The following STAT1 variants were observed in gnomAD, a reference collection of about 807,000 sequenced individuals.
STAT1 encodes signal transducer and activator of transcription 1-alpha/beta.
In STAT1, 24 loss-of-function variants were observed where a neutral mutation model predicts 111.7. The ratio of observed to expected loss-of-function variants is 0.21; its 90% CI spans 0.16 to 0.30. The LOEUF is 0.30. Among genes scored for constraint, STAT1 ranks in the 10% least tolerant of loss-of-function variants. STAT1 has a pLI of 1.00. For synonymous variants in STAT1, 332 were observed against 326.5 expected (o/e 1.02, Z -0.18); for missense variants, 351 against 911.9 (o/e 0.38, Z 7.92).
rs761029046 is a variant in STAT1 at position 190,987,017 on chromosome 2, T to G, written c.1127+22A>C. 4 of 1,610,820 alleles carry G rather than the reference T, an allele frequency of 2.5e-6. No homozygotes were observed. The Admixed American group carries it at 6.7e-5, about 27-fold the overall frequency. On this transcript the variant is annotated intron_variant, in intron 13 of 24. Transcript: ENST00000361099. The surrounding 1 kb of genome is among the most constrained non-coding windows in gnomAD (Gnocchi z 4.0). ...AAATAAATAAAAATATAGCACAGTA[T>G]AGCGTAAAGTACGTCACGTACCCTT...
Position 190,977,933 on chromosome 2 carries a change from CAAG to C in STAT1, c.1874-911_1874-909del, listed in dbSNP as rs1166330905. Among the ~76,000 whole-genome samples the C allele has an allele frequency of 4.0e-5, 6 of 151,382 alleles. No homozygotes were observed. Among genetic ancestry groups the C allele is most frequent in the East Asian group, 1.9e-4 (1 of 5,162 alleles). On this transcript the variant is annotated intron_variant, in intron 21 of 24. Coordinates refer to ENST00000361099, the MANE Select transcript of STAT1 (RefSeq NM_007315.4). The surrounding 1 kb of genome is among the most constrained non-coding windows in gnomAD (Gnocchi z 4.7). ...AAGTATTCCAGAAAAACAAATAGAA[CAAG>C]AAGAGTATTCCTGAAAAATAAACAG...
intron 3 of STAT1, 82 bp downstream of exon 3, chr2:191,009,794 A>G: frequency 6.4e-7 from 1 of 1,550,816 alleles, no homozygotes; most frequent in Non-Finnish European, 8.9e-7. Flanking sequence ...TTCATCTTCC[A>G]GTAAACATGG....
In STAT1 at chr2:191,000,548, C is replaced by T. The variant is rs115130006; in HGVS notation, c.462+526G>A. On this transcript the variant is annotated intron_variant, in intron 6 of 24. Transcript: ENST00000361099. The surrounding 1 kb of genome is among the most constrained non-coding windows in gnomAD (Gnocchi z 4.8). ...CCCTAACAGTGGAGAGGAGTAAATG[C>T]GCACCATCGAGGACGCCAGAGCAGC... Among the ~76,000 whole-genome samples the T allele has an allele frequency of 0.011, 1,655 of 152,316 alleles. 19 individuals are homozygous for T. Among genetic ancestry groups the T allele is most frequent in the Middle Eastern group, 0.017 (5 of 294 alleles).
chr2:190,994,302 C>T (rs2125057855), intron 10 of STAT1, among the ~76,000 whole-genome samples: 1 of 152,168 alleles, frequency 6.6e-6, no homozygotes, highest in Non-Finnish European at 1.5e-5. Flanking sequence ...AGAAGGGGGG[C>T]CGTGAATGCC....
chr2:191,013,375 A>C, intron 2 of STAT1, 150 bp downstream of exon 2: 1 of 317,920 alleles, frequency 3.1e-6, no homozygotes. Flanking sequence ...TTTTAAGACT[A>C]TATTATTTTG....
intron 10 of STAT1, among the ~76,000 whole-genome samples, chr2:190,991,993 T>G (rs918867700): frequency 1.5e-4 from 23 of 152,274 alleles, no homozygotes; most frequent in Non-Finnish European, 2.9e-5. Flanking sequence ...GACTTCTTGT[T>G]TGAACATTAG....
In STAT1 at chr2:190,971,856, G is replaced by A. The variant is rs572569220; in HGVS notation, c.2239-1139C>T. 1.5e-4 allele frequency among the ~76,000 whole-genome samples: 23 copies of A among 152,230 alleles called. No individual in the cohort carries two copies. The highest frequency in any genetic ancestry group is 2.8e-4 in the Non-Finnish European group (19 of 68,012). ...GCCCCCCTAGTAGCTGGGATTACAG[G>A]CACACACCACCATGGCTGGCTAATT... On this transcript the variant is annotated intron_variant, in intron 24 of 24. Transcript: ENST00000361099. This position sits in a 1 kb window ranked among gnomAD's most constrained non-coding sequence, Gnocchi z 4.1.
At position 190,993,533 on chromosome 2, in the gene STAT1, GAATA is replaced by G. The variant is rs1693560612; in HGVS notation, c.944+1524_944+1527del. 2 of 694,764 alleles carry G rather than the reference GAATA, an allele frequency of 2.9e-6. No homozygotes were observed. Among genetic ancestry groups the G allele is most frequent in the South Asian group, 1.5e-5 (1 of 67,794 alleles). The allele number at this position is 694,764 out of a possible 1,614,324, so 43.0% of individuals were successfully genotyped here. Reference sequence around the variant, plus strand: ...CAGAGTCGCCAATCAGAAGTAATTTGAATAAATAATCAATTTGGGATTCATGCTG... The same window carrying G: ...CAGAGTCGCCAATCAGAAGTAATTTGAATAATCAATTTGGGATTCATGCTG... On this transcript the variant is annotated intron_variant, in intron 10 of 24. Coordinates refer to ENST00000361099, the MANE Select transcript of STAT1 (RefSeq NM_007315.4). The surrounding 1 kb of genome is among the most constrained non-coding windows in gnomAD (Gnocchi z 4.1).
At position 190,971,460 on chromosome 2, in the gene STAT1, G is replaced by A. The variant is rs187691974; in HGVS notation, c.2239-743C>T. The stretch of plus-strand genomic sequence containing the variant: ...CCAGAGGTGTTGCTGAACCTCCTAC[G>A]AAGCACAGGAAAGCTCCCCACCCCA... On this transcript the variant is annotated intron_variant, in intron 24 of 24. Coordinates refer to ENST00000361099, the MANE Select transcript of STAT1 (RefSeq NM_007315.4). The surrounding 1 kb of genome is among the most constrained non-coding windows in gnomAD (Gnocchi z 4.1). 1.6e-3 allele frequency among the ~76,000 whole-genome samples: 242 copies of A among 152,126 alleles called. No individual in the cohort carries two copies. The highest frequency in any genetic ancestry group is 5.2e-3 in the South Asian group (25 of 4,820).
At position 190,970,761 on chromosome 2, in the gene STAT1, G is replaced by C. The variant is rs1204709557; in HGVS notation, c.2239-44C>G. 1.3e-6 allele frequency: 2 copies of C among 1,566,952 alleles called. No homozygotes were observed. Among genetic ancestry groups the C allele is most frequent in the Non-Finnish European group, 1.8e-6 (2 of 1,138,082 alleles). ...TGGTTAAGTTTATTACACTGATCTT[G>C]TGAAATGCAGACTCATACATTAAAC... is the stretch of plus-strand genomic sequence containing the variant. On this transcript the variant is annotated intron_variant, in intron 24 of 24. Coordinates refer to ENST00000361099, the MANE Select transcript of STAT1 (RefSeq NM_007315.4). The surrounding 1 kb of genome is among the most constrained non-coding windows in gnomAD (Gnocchi z 5.4).
rs926469146 is a variant in STAT1 at position 190,993,125 on chromosome 2, A to T, written c.945-1805T>A. On this transcript the variant is annotated intron_variant, in intron 10 of 24. Coordinates refer to ENST00000361099, the MANE Select transcript of STAT1 (RefSeq NM_007315.4). The surrounding 1 kb of genome is among the most constrained non-coding windows in gnomAD (Gnocchi z 4.1). ...CCTAGCACTAGTTTCCAAAAACAGAATTCCAAGGGAATCAGCAAATTCCTT... is the reference window on the plus strand; with the variant it reads ...CCTAGCACTAGTTTCCAAAAACAGATTTCCAAGGGAATCAGCAAATTCCTT... 2.4e-6 allele frequency: 1 copy of T among 419,692 alleles called. No homozygotes were observed. The highest frequency in any genetic ancestry group is 2.1e-5 in the African/African-American group (1 of 48,406). 26.0% of individuals were successfully genotyped at this position (419,692 alleles called of 1,614,324 possible).
chr2:191,011,835 T>C (rs1466323291), intron 2 of STAT1, among the ~76,000 whole-genome samples: 1 of 152,150 alleles, frequency 6.6e-6, no homozygotes, highest in African/African-American at 2.4e-5. Flanking sequence ...CTTCACTTTA[T>C]AAATTACCTA....
chr2:190,985,544 A>G, intron 15 of STAT1, 75 bp downstream of exon 15: 1 of 1,513,516 alleles, frequency 6.6e-7, no homozygotes, highest in Non-Finnish European at 9.2e-7. Flanking sequence ...AGGTGTCCCC[A>G]GCCACCAACT....
chr2:190,991,697 ATTTGTT>A (rs1249486191), intron 10 of STAT1, among the ~76,000 whole-genome samples: 1 of 147,366 alleles, frequency 6.8e-6, no homozygotes, highest in African/African-American at 2.6e-5. Context: ...TATCTTTACA[ATTTGTT>A]TTTTTTTTTT....
rs1310967468 is a variant in STAT1 at position 190,982,185 on chromosome 2, T to C, written c.1582+198A>G. On this transcript the variant is annotated intron_variant, in intron 18 of 24. Coordinates refer to ENST00000361099, the MANE Select transcript of STAT1 (RefSeq NM_007315.4). The surrounding 1 kb of genome is among the most constrained non-coding windows in gnomAD (Gnocchi z 7.3). ...ATGAGACAATGAGGAACGGATTCAT[T>C]TAAATGTTATCAGGTCTATATTTCT... Among the ~76,000 whole-genome samples, 1 of 152,240 alleles carries C rather than the reference T, an allele frequency of 6.6e-6. No individual in the cohort carries two copies. The highest frequency in any genetic ancestry group is 1.5e-5 in the Non-Finnish European group (1 of 68,038).
rs973519372 is a variant in STAT1 at position 191,003,724 on chromosome 2, A to C, written c.373-2561T>G. ...GCCTGCAGAACCATAAGTCAATTAA[A>C]CCTCTTTTCTTATAAATTACCCAGT... On this transcript the variant is annotated intron_variant, in intron 5 of 24. Coordinates refer to ENST00000361099, the MANE Select transcript of STAT1 (RefSeq NM_007315.4). This position sits in a 1 kb window ranked among gnomAD's most constrained non-coding sequence, Gnocchi z 4.0. Among the ~76,000 whole-genome samples the C allele has an allele frequency of 7.2e-5, 11 of 151,866 alleles. No homozygotes were observed. Among genetic ancestry groups the C allele is most frequent in the Admixed American group, 3.3e-4 (5 of 15,246 alleles).
rs765292882 is a variant in STAT1, at chr2:190,998,318, G to A, written c.542-10C>T. 6.2e-7 allele frequency: 1 copy of A among 1,600,748 alleles called. No homozygotes were observed. The highest frequency in any genetic ancestry group is 8.6e-7 in the Non-Finnish European group (1 of 1,168,568). The stretch of plus-strand genomic sequence containing the variant: ...CCATTGGTCTCGTGTTCTATAAATT[G>A]AGAGACAGCCAGTAAATATATAAAG... On this transcript the variant is annotated splice_polypyrimidine_tract_variant and intron_variant, in intron 7 of 24. Transcript: ENST00000361099. The surrounding 1 kb of genome is among the most constrained non-coding windows in gnomAD (Gnocchi z 4.1).
At position 190,977,153 on chromosome 2, in the gene STAT1, A is replaced by G. The variant is rs7597768; in HGVS notation, c.1874-128T>C. 0.23 allele frequency: 200,531 copies of G among 862,766 alleles called. 25,564 individuals carry two copies. The highest frequency in any genetic ancestry group is 0.5 in the East Asian group (18,959 of 38,164). The allele number at this position is 862,766 out of a possible 1,614,324, so 53.4% of individuals were successfully genotyped here. A position where few individuals can be genotyped will look rare whatever the true frequency, so the allele number is the denominator to read the frequency against. On this transcript the variant is annotated intron_variant, in intron 21 of 24. Transcript: ENST00000361099. This position sits in a 1 kb window ranked among gnomAD's most constrained non-coding sequence, Gnocchi z 4.7. ...AAGAACTAATCACAATCTAAGCATT[A>G]TAACATATACAGTAGACTGCTTTAT...
rs929135928 is a variant in STAT1 at position 190,971,871 on chromosome 2, G to A, written c.2239-1154C>T. ...GGGATTACAGGCACACACCACCATG[G>A]CTGGCTAATTTTTGTATTTTTAGTA... On this transcript the variant is annotated intron_variant, in intron 24 of 24. Transcript: ENST00000361099. The surrounding 1 kb of genome is among the most constrained non-coding windows in gnomAD (Gnocchi z 4.1). 1.3e-5 allele frequency among the ~76,000 whole-genome samples: 2 copies of A among 151,812 alleles called. No homozygotes were observed. Among genetic ancestry groups the A allele is most frequent in the African/African-American group, 4.8e-5 (2 of 41,330 alleles).
Sources: allele counts gnomAD v4.1 joint callset (sites outside exome capture counted in the v4.1 genomes callset), GRCh38; gene constraint gnomAD v4.1.1; non-coding constraint Gnocchi (gnomAD v3.1); transcripts MANE v1.5; gene names NCBI Gene and HGNC (gene_info 2026-07-23, HGNC 2026-07-21).